Variants in PPP1R9B observed in about 807,000 individuals in gnomAD.
PPP1R9B encodes the protein neurabin-2.
Under a neutral mutation model 75.8 loss-of-function variants are expected in PPP1R9B, and 17 were observed. The observed-to-expected ratio is 0.22, with a 90% CI of 0.15 to 0.34. PPP1R9B has a LOEUF of 0.34. PPP1R9B is among the 10% of genes least tolerant of loss of function. The pLI, the probability that PPP1R9B is intolerant of heterozygous loss-of-function variation, is 1.00. For missense variants in PPP1R9B, 875 were observed against 1,196.0 expected (o/e 0.73, Z 3.96); for synonymous variants, 509 against 535.4 (o/e 0.95, Z 0.68).
intron 1 of PPP1R9B, among the ~76,000 whole-genome samples, chr17:50,148,334 G>A (rs1030064576): frequency 2.2e-4 from 33 of 152,354 alleles, no homozygotes; most frequent in African/African-American, 7.5e-4. Context: ...GGCCATGGGA[G>A]TCTGTCCTAT....
At chr17:50,135,794 G>A in intron 8 of PPP1R9B, 145 bp from the exon 9 acceptor site, 1 of 892,078 alleles carries the variant, frequency 1.1e-6, no homozygotes, top group South Asian at 1.7e-5. Flanking sequence ...CAAAGCCTCT[G>A]GGGGTCTGGC....
chr17:50,138,775 C>T (rs2144443105), intron 7 of PPP1R9B, among the ~76,000 whole-genome samples: 1 of 152,294 alleles, frequency 6.6e-6, no homozygotes, highest in South Asian at 2.1e-4. Flanking sequence ...CTGGTGTGCG[C>T]TACCACACCT....
In PPP1R9B at chr17:50,141,305, G is replaced by A. The variant is rs1912370529; in HGVS notation, c.1694C>T (p.Ala565Val). The A allele has an allele frequency of 6.3e-7, 1 of 1,591,716 alleles. No individual in the cohort carries two copies. The highest frequency in any genetic ancestry group is 8.5e-7 in the Non-Finnish European group (1 of 1,169,928). Residue 565 changes from alanine to valine, a missense_variant, in exon 4 of 10, where the codon GCG becomes GTG. This residue lies in a region of PPP1R9B where 218 missense variants were observed against 334.6 expected (regional missense o/e 0.65). Coordinates refer to ENST00000612501, the MANE Select transcript of PPP1R9B (RefSeq NM_032595.5). ...TSLVGVTQSFAASVLRNTKGR... is the reference protein window; with the variant it reads ...TSLVGVTQSFVASVLRNTKGR... ...CTTGGTGTTCCGGAGCACAGACGCC[G>A]CGAAGCTCTGGGTCACTCCCACCAG...
Position 50,143,660 on chromosome 17 carries a change from C to T in PPP1R9B, c.1563G>A (p.Leu521=), listed in dbSNP as rs1170957215. ...IGMGAGADMG[L]EKLGIFVKTV... ...TCTTGACGAAGATACCCAGCTTCTC[C>T]AGGCCCATGTCTGCCCCGGCGCCCA... The change falls in exon 3 of 10, where the codon CTG becomes CTA. Residue 521 remains leucine, a synonymous_variant. Coordinates refer to ENST00000612501, the MANE Select transcript of PPP1R9B (RefSeq NM_032595.5). The T allele has an allele frequency of 1.2e-6, 2 of 1,613,924 alleles. No homozygotes were observed. Among genetic ancestry groups the T allele is most frequent in the African/African-American group, 1.3e-5 (1 of 74,944 alleles).
At position 50,133,768 on chromosome 17, in the gene PPP1R9B, C is replaced by CA. The variant is rs1223912089; in HGVS notation, c.*1562dup. 1 of 152,246 alleles carries CA rather than the reference C, an allele frequency of 6.6e-6. No individual in the cohort carries two copies. The highest frequency in any genetic ancestry group is 1.5e-5 in the Non-Finnish European group (1 of 68,108). The allele number at this position is 152,246 out of a possible 1,614,324, so 9.4% of individuals were successfully genotyped here. A position where few individuals can be genotyped will look rare whatever the true frequency, so the allele number is the denominator to read the frequency against. ...GGCTGCTTTTATGGGGACGACCTGA[C>CA]AGAGGGCATGGTCCGTACAAAACCG... On this transcript the variant is annotated 3_prime_UTR_variant, in exon 10 of 10. Transcript: ENST00000612501.
In PPP1R9B at chr17:50,139,588, A is replaced by G. The variant is rs761083119; in HGVS notation, c.1867-7T>C. ...CAGTGGCATACTCTCCCGTCTGCGA[A>G]GGGAGACCGGAGACTGTGGGCCCAC... On this transcript the variant is annotated splice_region_variant and splice_polypyrimidine_tract_variant and intron_variant, in intron 5 of 9. Coordinates refer to ENST00000612501, the MANE Select transcript of PPP1R9B (RefSeq NM_032595.5). This position sits in a 1 kb window ranked among gnomAD's most constrained non-coding sequence, Gnocchi z 5.0. 6.5e-7 allele frequency: 1 copy of G among 1,537,874 alleles called. No individual in the cohort carries two copies. Among genetic ancestry groups the G allele is most frequent in the Non-Finnish European group, 8.8e-7 (1 of 1,141,422 alleles).
intron 1 of PPP1R9B, among the ~76,000 whole-genome samples, chr17:50,145,504 C>CG (rs1912491149): frequency 1.3e-5 from 2 of 152,156 alleles, no homozygotes; most frequent in Non-Finnish European, 1.5e-5. Context: ...CTCCAACCAG[C>CG]GTGAGCATGG....
intron 1 of PPP1R9B, among the ~76,000 whole-genome samples, chr17:50,148,137 G>A (rs1423330405): frequency 6.6e-6 from 1 of 152,096 alleles, no homozygotes; most frequent in Admixed American, 6.5e-5. Context: ...GGTGGCCTGG[G>A]GTTTTTGATT....
chr17:50,135,822 G>T, intron 8 of PPP1R9B, 146 bp downstream of exon 8: 1 of 860,910 alleles, frequency 1.2e-6, no homozygotes, highest in Non-Finnish European at 1.8e-6. Context: ...TGGCTCTGAT[G>T]CCTGGTCATT....
rs117446384 is a variant in PPP1R9B, at chr17:50,142,363, T to A, written c.1626-990A>T. The stretch of plus-strand genomic sequence containing the variant: ...CCACTCCCAGGTGGGCATGAGTGAG[T>A]GGCCACGGCCACCATGCACACTCAC... On this transcript the variant is annotated intron_variant, in intron 3 of 9. Transcript: ENST00000612501. The surrounding 1 kb of genome is among the most constrained non-coding windows in gnomAD (Gnocchi z 4.1). Among the ~76,000 whole-genome samples, 140 of 152,008 alleles carry A rather than the reference T, an allele frequency of 9.2e-4. 7 individuals carry two copies. In the East Asian group the frequency reaches 0.024, roughly 26 times the overall value.
Position 50,135,556 on chromosome 17 carries a change from G to C in PPP1R9B, c.2397C>G (p.Asp799Glu), listed in dbSNP as rs1452080504. The C allele has an allele frequency of 6.2e-7, 1 of 1,610,164 alleles. No homozygotes were observed. Among genetic ancestry groups the C allele is most frequent in the South Asian group, 1.1e-5 (1 of 90,646 alleles). Reference protein sequence around the residue: ...ARKEEMDKLLDKISELEGNLQ... With the variant: ...ARKEEMDKLLEKISELEGNLQ... ...CCACAGGGCGCCCCAGGCCCACCTT[G>C]TCCAGGAGCTTGTCCATCTCCTCCT... Residue 799 changes from aspartate (D) to glutamate (E), a missense_variant, in exon 9 of 10, where the codon GAC (aspartate) becomes GAG (glutamate). Transcript: ENST00000612501.
Position 50,149,023 on chromosome 17 carries a change from G to A in PPP1R9B, c.1371+120C>T. 1.5e-6 allele frequency: 1 copy of A among 673,008 alleles called. No homozygotes were observed. Among genetic ancestry groups the A allele is most frequent in the Non-Finnish European group, 2.3e-6 (1 of 438,116 alleles). 41.7% of individuals were successfully genotyped at this position (673,008 alleles called of 1,614,324 possible). ...CCCTGAGGGTGGGAACTTCTGGGAA[G>A]GGGGCTGGGTGGCAGGGGCTGACTC... On this transcript the variant is annotated intron_variant, in intron 1 of 9. Transcript: ENST00000612501. This position sits in a 1 kb window ranked among gnomAD's most constrained non-coding sequence, Gnocchi z 7.2.
At position 50,136,777 on chromosome 17, in the gene PPP1R9B, C is replaced by T. The variant is rs537533817; in HGVS notation, c.2074-580G>A. On this transcript the variant is annotated intron_variant, in intron 7 of 9. Coordinates refer to ENST00000612501, the MANE Select transcript of PPP1R9B (RefSeq NM_032595.5). ...TCTCTATACTCACTGCCCTGGGGCA[C>T]CGGCCCATCTCCCACACTACCTCTG... Among the ~76,000 whole-genome samples the T allele has an allele frequency of 3.1e-3, 468 of 152,152 alleles. 3 individuals carry two copies. The highest frequency in any genetic ancestry group is 0.011 in the African/African-American group (455 of 41,502).
intron 1 of PPP1R9B, among the ~76,000 whole-genome samples, chr17:50,148,704 G>A (rs992589274): frequency 3.3e-5 from 5 of 152,230 alleles, no homozygotes; most frequent in Non-Finnish European, 5.9e-5. Flanking sequence ...CTCCCATACA[G>A]GGGGAAAGCA....
intron 3 of PPP1R9B, among the ~76,000 whole-genome samples, chr17:50,143,244 G>A (rs963632468): frequency 2.0e-5 from 3 of 151,946 alleles, no homozygotes; most frequent in Non-Finnish European, 4.4e-5. Flanking sequence ...GAGACTCAAT[G>A]TCCAGCGAAA....
intron 2 of PPP1R9B, among the ~76,000 whole-genome samples, chr17:50,144,120 A>T (rs551317005): frequency 4.6e-5 from 7 of 151,858 alleles, no homozygotes; most frequent in Admixed American, 6.5e-5. Flanking sequence ...AGGACCAAAG[A>T]CCTCCAGATT....
chr17:50,136,832 A>T (rs1912245246), intron 7 of PPP1R9B, among the ~76,000 whole-genome samples: 1 of 152,148 alleles, frequency 6.6e-6, no homozygotes, highest in Non-Finnish European at 1.5e-5. Context: ...CTCAAGTCCC[A>T]GCCCACCCTT....
rs773570557 is a variant in PPP1R9B, at chr17:50,135,544, C to A, written c.2400+9G>T. 2 of 1,609,630 alleles carry A rather than the reference C, an allele frequency of 1.2e-6. No homozygotes were observed. The highest frequency in any genetic ancestry group is 3.4e-5 in the Admixed American group (2 of 59,184). On this transcript the variant is annotated intron_variant, in intron 9 of 9. Transcript: ENST00000612501. ...ACTGGGCCCTGCCCACAGGGCGCCC[C>A]AGGCCCACCTTGTCCAGGAGCTTGT...
chr17:50,144,201 A>G (rs1322797772), intron 2 of PPP1R9B, among the ~76,000 whole-genome samples: 2 of 152,008 alleles, frequency 1.3e-5, no homozygotes, highest in Non-Finnish European at 2.9e-5. Flanking sequence ...TGATGTCCCA[A>G]CTAATGACCT....
Sources: gnomAD v4.1 joint callset for allele counts (sites outside exome capture counted in the v4.1 genomes callset) on GRCh38, gnomAD v4.1.1 for gene constraint, gnomAD v4.1.1 regional missense constraint, Gnocchi (gnomAD v3.1) non-coding constraint, MANE v1.5 for transcripts, NCBI Gene and HGNC (gene_info 2026-07-23, HGNC 2026-07-21) for gene names.